Variants in GPC5 observed in about 807,000 individuals in gnomAD.
GPC5 encodes glypican-5.
A neutral mutation model predicts 53.9 loss-of-function variants in GPC5; 47 were observed. That is an observed-to-expected ratio of 0.87 (90% CI 0.69 to 1.11). The LOEUF is 1.11. Ranked by LOEUF, GPC5 falls within the 50% of genes most tolerant of loss-of-function variation. GPC5 has a pLI of 0.00. For missense variants in GPC5, 748 were observed against 713.1 expected (o/e 1.05, Z -0.56); for synonymous variants, 286 against 263.3 (o/e 1.09, Z -0.84).
intron 7 of GPC5, among the ~76,000 whole-genome samples, chr13:92,770,300 G>C (rs1875562703): frequency 6.6e-6 from 1 of 151,460 alleles, no homozygotes; most frequent in Non-Finnish European, 1.5e-5. Context: ...TGTCATCCAA[G>C]CTACTCAAGA....
At chr13:91,588,882 C>G (rs1000876831) in intron 2 of GPC5, among the ~76,000 whole-genome samples, 5 of 152,094 alleles carry the variant, frequency 3.3e-5, no homozygotes, top group African/African-American at 1.2e-4. Flanking sequence ...GTGTCATTGT[C>G]TTCTTCCCTT....
chr13:92,400,017 CA>C (rs1875485494), intron 7 of GPC5, among the ~76,000 whole-genome samples: 1 of 152,112 alleles, frequency 6.6e-6, no homozygotes, highest in Non-Finnish European at 1.5e-5. Flanking sequence ...AAAGATCATT[CA>C]AATTTGCAGT....
At chr13:91,539,158 A>G (rs1187760873) in intron 2 of GPC5, among the ~76,000 whole-genome samples, 1 of 152,208 alleles carries the variant, frequency 6.6e-6, no homozygotes, top group African/African-American at 2.4e-5. Flanking sequence ...CCTATGCTTC[A>G]TCTTTTTGAA....
intron 1 of GPC5, among the ~76,000 whole-genome samples, chr13:91,414,874 A>G (rs1878076327): frequency 6.6e-6 from 1 of 152,192 alleles, no homozygotes; most frequent in Non-Finnish European, 1.5e-5. Context: ...AGGTCTTAGA[A>G]AAGCTGTGCA....
intron 3 of GPC5, among the ~76,000 whole-genome samples, chr13:91,700,262 T>C (rs2035965524): frequency 6.6e-6 from 1 of 152,192 alleles, no homozygotes; most frequent in Admixed American, 6.6e-5. Flanking sequence ...CCAAAATTCT[T>C]TAGGGGCAGG....
At chr13:91,411,024 G>A (rs1877734914) in intron 1 of GPC5, among the ~76,000 whole-genome samples, 1 of 152,130 alleles carries the variant, frequency 6.6e-6, no homozygotes, top group South Asian at 2.1e-4. Context: ...CAGGAGAATC[G>A]CTTGAACCTG....
chr13:91,591,446 G>C (rs1396527463), intron 2 of GPC5, among the ~76,000 whole-genome samples: 1 of 152,092 alleles, frequency 6.6e-6, no homozygotes, highest in Admixed American at 6.6e-5. Context: ...GTTTCTAGCC[G>C]GGGTTCTTGG....
At chr13:91,993,718 C>T (rs961329699) in intron 6 of GPC5, among the ~76,000 whole-genome samples, 2 of 151,972 alleles carry the variant, frequency 1.3e-5, no homozygotes, top group Admixed American at 6.6e-5. Flanking sequence ...GGTGAAAGAC[C>T]GATTCCTTTC....
At chr13:92,512,260 G>A (rs894284880) in intron 7 of GPC5, among the ~76,000 whole-genome samples, 52 of 151,974 alleles carry the variant, frequency 3.4e-4, no homozygotes, top group African/African-American at 8.2e-4. Flanking sequence ...GCGCGCGCGC[G>A]CGCGTACGCT....
At chr13:92,316,618 T>G (rs570028849) in intron 7 of GPC5, among the ~76,000 whole-genome samples, 2 of 152,276 alleles carry the variant, frequency 1.3e-5, no homozygotes, top group Admixed American at 1.3e-4. Context: ...AGGGCTTTTT[T>G]AATAGACTCA....
chr13:92,386,977 G>A (rs1874756776), intron 7 of GPC5, among the ~76,000 whole-genome samples: 1 of 152,076 alleles, frequency 6.6e-6, no homozygotes, highest in Non-Finnish European at 1.5e-5. Context: ...CACCTCTGAA[G>A]AAGTATGGAT....
At chr13:92,029,757 T>C (rs2040826988) in intron 6 of GPC5, among the ~76,000 whole-genome samples, 1 of 152,216 alleles carries the variant, frequency 6.6e-6, no homozygotes, top group African/African-American at 2.4e-5. Flanking sequence ...ACACTTAGAA[T>C]GGTTTCTGTT....
At chr13:91,850,439 G>T (rs899283387) in intron 5 of GPC5, among the ~76,000 whole-genome samples, 1 of 151,980 alleles carries the variant, frequency 6.6e-6, no homozygotes, top group African/African-American at 2.4e-5. Context: ...GCTGCCCTCT[G>T]CCCTTAATAA....
rs1392373344 is a variant in GPC5, at chr13:92,695,593, T to C, written c.1562-170689T>C. 2.0e-5 allele frequency among the ~76,000 whole-genome samples: 3 copies of C among 152,180 alleles called. No homozygotes were observed. The East Asian group carries it at 5.8e-4, about 29-fold the overall frequency. On this transcript the variant is annotated intron_variant, in intron 7 of 7. Transcript: ENST00000377067. ...TGATATTGATGATCATCGTATCTTT[T>C]CCCTTAATTAAAGGGAATGCCCTAA...
At chr13:92,818,108 G>T (rs1256984602) in intron 7 of GPC5, among the ~76,000 whole-genome samples, 1 of 151,238 alleles carries the variant, frequency 6.6e-6, no homozygotes, top group Non-Finnish European at 1.5e-5. Context: ...TGCCTTCTGG[G>T]TTCAAGTGAT....
At position 92,225,043 on chromosome 13, in the gene GPC5, A is replaced by G. The variant is rs145849290; in HGVS notation, c.1561+80054A>G. ...TTGTCAGTTTCACTTTCCATCTTCT[A>G]TACCTTTGCTGACATGGTTTCCTAG... is the stretch of plus-strand genomic sequence containing the variant. On this transcript the variant is annotated intron_variant, in intron 7 of 7. Coordinates refer to ENST00000377067, the MANE Select transcript of GPC5 (RefSeq NM_004466.6). Among the ~76,000 whole-genome samples the G allele has an allele frequency of 3.3e-3, 507 of 152,170 alleles. 4 individuals carry two copies. Among genetic ancestry groups the G allele is most frequent in the African/African-American group, 0.012 (483 of 41,490 alleles).
intron 3 of GPC5, among the ~76,000 whole-genome samples, chr13:91,706,641 G>C (rs188333629): frequency 1.3e-5 from 2 of 152,082 alleles, no homozygotes; most frequent in Admixed American, 1.3e-4. Flanking sequence ...GTACTTTTTT[G>C]TTGGGAAGTG....
intron 6 of GPC5, among the ~76,000 whole-genome samples, chr13:92,117,555 CTTAA>C (rs1400999898): frequency 2.6e-5 from 4 of 152,052 alleles, no homozygotes; most frequent in African/African-American, 9.7e-5. Flanking sequence ...AATTTTGGTA[CTTAA>C]TTAGTGTATT....
chr13:91,712,339 T>C (rs536084327), intron 3 of GPC5, among the ~76,000 whole-genome samples: 33 of 151,780 alleles, frequency 2.2e-4, no homozygotes, highest in Admixed American at 6.6e-4. Context: ...TATATATATA[T>C]GTGTGTGTGT....
Sources: allele counts gnomAD v4.1 joint callset (sites outside exome capture counted in the v4.1 genomes callset), GRCh38; gene constraint gnomAD v4.1.1; transcripts MANE v1.5; gene names NCBI Gene and HGNC (gene_info 2026-07-23, HGNC 2026-07-21).